ECRG4: variants seen among roughly 807,000 people sequenced by gnomAD.
ECRG4 encodes the protein ECRG4 augurin precursor.
ECRG4 carries 18 observed loss-of-function variants against 15.8 expected under a neutral mutation model. That is an observed-to-expected ratio of 1.14 (90% CI 0.79 to 1.69). The LOEUF (loss-of-function observed/expected upper bound fraction) is 1.69. Ranked by LOEUF, ECRG4 falls within the 40% of genes most tolerant of loss-of-function variation. ECRG4 has a pLI of 0.00. For missense variants in ECRG4, 200 were observed against 190.9 expected, an observed-to-expected ratio of 1.05 and a Z score of -0.28; for synonymous variants, 82 against 73.9, an observed-to-expected ratio of 1.11 and a Z score of -0.56.
At chr2:106,067,080 T>C (rs1424474167) in intron 1 of ECRG4, among the ~76,000 whole-genome samples, 1 of 44,620 alleles carries the variant, frequency 2.2e-5, no homozygotes, top group Non-Finnish European at 4.0e-5. Flanking sequence ...GGGGGGCAGA[T>C]CACCTGAGGT....
chr2:106,070,491 T>C (rs141728525), intron 1 of ECRG4, among the ~76,000 whole-genome samples: 56 of 152,222 alleles, frequency 3.7e-4, no homozygotes, highest in African/African-American at 1.3e-3. Flanking sequence ...AAATTCAAAA[T>C]TTGTAGACAC....
In ECRG4 at chr2:106,076,939, A is replaced by G. The variant is rs10187026; in HGVS notation, c.286-826A>G. Among the ~76,000 whole-genome samples the G allele has an allele frequency of 4.3e-3, 652 of 152,292 alleles. 9 individuals are homozygous for G. The highest frequency in any genetic ancestry group is 0.013 in the African/African-American group (550 of 41,562). On this transcript the variant is annotated intron_variant, in intron 3 of 3. Transcript: ENST00000238044. Reference sequence around the variant, plus strand: ...TAGTCTAAATTAATCTTGCACCTTCACCACCACCAAAGAAAAATTAGTCTC... The same window carrying G: ...TAGTCTAAATTAATCTTGCACCTTCGCCACCACCAAAGAAAAATTAGTCTC...
At chr2:106,072,871 A>C (rs1000226135) in intron 2 of ECRG4, among the ~76,000 whole-genome samples, 1 of 152,226 alleles carries the variant, frequency 6.6e-6, no homozygotes, top group African/African-American at 2.4e-5. Flanking sequence ...CCAGTTTGTC[A>C]TAGGTGAGCA....
Position 106,076,248 on chromosome 2 carries a change from G to C in ECRG4, c.286-1517G>C, listed in dbSNP as rs541085148. 1.8e-4 allele frequency among the ~76,000 whole-genome samples: 27 copies of C among 152,266 alleles called. 2 individuals carry two copies. The South Asian group carries it at 5.6e-3, about 32-fold the overall frequency. On this transcript the variant is annotated intron_variant, in intron 3 of 3. Coordinates refer to ENST00000238044, the MANE Select transcript of ECRG4 (RefSeq NM_032411.3). ...CAGGAGAACCGCTTGAACCTGGTGG[G>C]GGGTGGAGCTTGCAGTGAGCTGAGA...
At chr2:106,075,208 C>A (rs943137136) in intron 3 of ECRG4, among the ~76,000 whole-genome samples, 3 of 152,198 alleles carry the variant, frequency 2.0e-5, no homozygotes, top group Non-Finnish European at 4.4e-5. Flanking sequence ...GTTCCTGGGG[C>A]AAGGGTGGAA....
chr2:106,073,886 C>G lies in ECRG4; in HGVS notation c.128C>G (p.Ala43Gly). 6.2e-7 allele frequency: 1 copy of G among 1,614,030 alleles called. No homozygotes were observed. The change falls in exon 3 of 4, where the codon GCA becomes GGA. Residue 43 changes from alanine to glycine, a missense_variant and splice_region_variant. Physicochemically the swap from Ala to Gly is moderately conservative, Grantham distance 60. Coordinates refer to ENST00000238044, the MANE Select transcript of ECRG4 (RefSeq NM_032411.3). ...KLKLMLQKRE[A>G]PVPTKTKVAV... ...GGGGATGGGGAATTGATGATTTCAG[C>G]ACCTGTTCCAACTAAGACTAAAGTG... is the stretch of plus-strand genomic sequence containing the variant.
At chr2:106,077,623 A>G in intron 3 of ECRG4, 142 bp from the exon 4 acceptor site, 1 of 724,694 alleles carries the variant, frequency 1.4e-6, no homozygotes, top group Non-Finnish European at 2.2e-6. Flanking sequence ...TCTGAGCACA[A>G]GAATACGGTA....
chr2:106,069,213 T>C (rs910606059), intron 1 of ECRG4, among the ~76,000 whole-genome samples: 10 of 146,160 alleles, frequency 6.8e-5, no homozygotes, highest in Middle Eastern at 3.6e-3. Flanking sequence ...TTTTATTTTC[T>C]TTTCTTTCTT....
intron 1 of ECRG4, among the ~76,000 whole-genome samples, chr2:106,069,357 A>AC (rs1491563524): frequency 1.7e-5 from 2 of 118,950 alleles, no homozygotes; most frequent in African/African-American, 6.6e-5. Flanking sequence ...TTTCTGAGAT[A>AC]GAGTCTCACT....
At chr2:106,068,718 T>G (rs2104791303) in intron 1 of ECRG4, among the ~76,000 whole-genome samples, 1 of 152,346 alleles carries the variant, frequency 6.6e-6, no homozygotes, top group African/African-American at 2.4e-5. Flanking sequence ...CCCTGTGAGC[T>G]GTTAGAGACT....
chr2:106,069,364 C>T (rs1676311085), intron 1 of ECRG4, among the ~76,000 whole-genome samples: 1 of 144,716 alleles, frequency 6.9e-6, no homozygotes, highest in African/African-American at 2.6e-5. Flanking sequence ...GATAGAGTCT[C>T]ACTCTGTCAC....
At chr2:106,063,687 A>C (rs1405935712), upstream of ECRG4, among the ~76,000 whole-genome samples, 1 of 152,112 alleles carries the variant, frequency 6.6e-6, no homozygotes, top group Non-Finnish European at 1.5e-5. Flanking sequence ...GATTCAAGTG[A>C]TTCTCCTGCC....
intron 2 of ECRG4, 106 bp from the exon 3 acceptor site, chr2:106,073,780 C>A (rs1362468010): frequency 3.7e-6 from 5 of 1,358,440 alleles, no homozygotes; most frequent in Non-Finnish European, 4.1e-6. Flanking sequence ...GAGTCAAAAC[C>A]CTCCTACACA....
chr2:106,070,451 G>A (rs1676337559), intron 1 of ECRG4, among the ~76,000 whole-genome samples: 1 of 152,172 alleles, frequency 6.6e-6, no homozygotes, highest in Non-Finnish European at 1.5e-5. Flanking sequence ...GACCATGAGT[G>A]TGCCAAGTGA....
rs377146675 is a variant in ECRG4 at position 106,077,303 on chromosome 2, C to T, written c.286-462C>T. Among the ~76,000 whole-genome samples the T allele has an allele frequency of 1.4e-4, 22 of 152,290 alleles. 1 individual carries two copies. Among genetic ancestry groups the T allele is most frequent in the African/African-American group, 5.3e-4 (22 of 41,578 alleles). ...TTCTCTGCCCTGGCACTATAATAGGCCAATGCAGTGGTTGATCTAACTCAG... is the reference window on the plus strand; with the variant it reads ...TTCTCTGCCCTGGCACTATAATAGGTCAATGCAGTGGTTGATCTAACTCAG... On this transcript the variant is annotated intron_variant, in intron 3 of 3. Coordinates refer to ENST00000238044, the MANE Select transcript of ECRG4 (RefSeq NM_032411.3).
chr2:106,067,202 G>T (rs1307489334), intron 1 of ECRG4, among the ~76,000 whole-genome samples: 1 of 151,946 alleles, frequency 6.6e-6, no homozygotes, highest in Non-Finnish European at 1.5e-5. Context: ...TGAGGCAGGA[G>T]AATTGCTTGA....
intron 1 of ECRG4, 116 bp downstream of exon 1, chr2:106,065,959 C>G (rs1676205448): frequency 4.2e-6 from 4 of 949,770 alleles, no homozygotes; most frequent in Non-Finnish European, 5.9e-6. Flanking sequence ...AGGGACCCAT[C>G]CTTAGCCTAG....
chr2:106,069,843 GTTAC>G (rs1676324094), intron 1 of ECRG4, among the ~76,000 whole-genome samples: 1 of 152,178 alleles, frequency 6.6e-6, no homozygotes, highest in Admixed American at 6.5e-5. Context: ...CGACAGGACA[GTTAC>G]TTTCTTTTTT....
In ECRG4 at chr2:106,077,978, A is replaced by C; in HGVS notation, c.*52A>C. ...AAGCAAATAGCGATTCTCTTCATGT[A>C]TCTCCTAATGCCTTACACTACTTGG... On this transcript the variant is annotated 3_prime_UTR_variant, in exon 4 of 4. Transcript: ENST00000238044. The C allele has an allele frequency of 6.4e-7, 1 of 1,561,168 alleles. No homozygotes were observed. Among genetic ancestry groups the C allele is most frequent in the East Asian group, 2.3e-5 (1 of 43,848 alleles).
Sources: allele counts gnomAD v4.1 joint callset (sites outside exome capture counted in the v4.1 genomes callset), GRCh38; gene constraint gnomAD v4.1.1; transcripts MANE v1.5; gene names NCBI Gene and HGNC (gene_info 2026-07-23, HGNC 2026-07-21).